CHN2: variants seen among roughly 807,000 people sequenced by gnomAD.
CHN2 encodes the protein beta-chimaerin.
A neutral mutation model predicts 56.3 loss-of-function variants in CHN2; 35 were observed. The observed-to-expected ratio is 0.62, with a 90% confidence interval of 0.47 to 0.82. The LOEUF (loss-of-function observed/expected upper bound fraction) is 0.82. CHN2 is among the 40% of genes least tolerant of loss of function. The probability of loss-of-function intolerance (pLI) is 0.00; values close to 1 mark genes in which losing one functional copy is unlikely to be tolerated. For synonymous variants in CHN2, 210 were observed against 212.8 expected (o/e 0.99, Z 0.12); for missense variants, 491 against 580.5 (o/e 0.85, Z 1.58).
chr7:29,275,046 G>A (rs1002160766), intron 1 of CHN2, among the ~76,000 whole-genome samples: 7 of 152,124 alleles, frequency 4.6e-5, no homozygotes, highest in Admixed American at 2.0e-4. Flanking sequence ...CCACACACTA[G>A]GGAATTAGAA....
chr7:29,485,600 G>T (rs1365494048), intron 7 of CHN2, among the ~76,000 whole-genome samples: 1 of 152,184 alleles, frequency 6.6e-6, no homozygotes, highest in Non-Finnish European at 1.5e-5. Context: ...ATCAAGGATG[G>T]TTATACAGGG....
intron 6 of CHN2, among the ~76,000 whole-genome samples, chr7:29,410,998 T>A (rs77810474): frequency 0.014 from 2,155 of 152,332 alleles, 12 homozygotes; most frequent in Non-Finnish European, 0.023. Context: ...AACAAATTTT[T>A]AAAATCTTGC....
upstream of CHN2, chr7:29,194,268 C>T (rs866883306): frequency 6.6e-6 from 1 of 152,344 alleles, no homozygotes; most frequent in Admixed American, 6.5e-5. Flanking sequence ...GCGCCCGGCC[C>T]CGGCCTCCCC....
At chr7:29,200,165 TAGAC>T (rs1235513392) in intron 1 of CHN2, 2 of 152,206 alleles carry the variant, frequency 1.3e-5, no homozygotes, top group Non-Finnish European at 2.9e-5. Flanking sequence ...AACCTAGTGA[TAGAC>T]AGACATATGA....
chr7:29,486,310 C>T (rs969959455), intron 7 of CHN2, among the ~76,000 whole-genome samples: 13 of 152,208 alleles, frequency 8.5e-5, no homozygotes, highest in African/African-American at 3.1e-4. Flanking sequence ...GGAGCCCTCT[C>T]CTCACTCCCT....
chr7:29,179,969 T>A (rs1411065499), intron 2 of CHN2, among the ~76,000 whole-genome samples: 1 of 152,250 alleles, frequency 6.6e-6, no homozygotes, highest in African/African-American at 2.4e-5. Context: ...TTTTGCTATT[T>A]GTCTTGTATT....
chr7:29,348,487 C>T (rs1202068444), intron 1 of CHN2, among the ~76,000 whole-genome samples: 2 of 151,996 alleles, frequency 1.3e-5, no homozygotes, highest in Non-Finnish European at 2.9e-5. Context: ...CTGTATCTTC[C>T]CCCTCCTTCC....
chr7:29,326,197 C>T (rs1005463253), intron 1 of CHN2, among the ~76,000 whole-genome samples: 27 of 152,076 alleles, frequency 1.8e-4, no homozygotes, highest in Admixed American at 1.2e-3. Flanking sequence ...CTCACTCTGT[C>T]GCCAGGCTGG....
chr7:29,425,738 A>G (rs560281665), intron 6 of CHN2, among the ~76,000 whole-genome samples: 1 of 152,298 alleles, frequency 6.6e-6, no homozygotes, highest in East Asian at 1.9e-4. Context: ...GTATATAAAA[A>G]TAAATTATTA....
chr7:29,413,103 C>T (rs1803402990), intron 6 of CHN2, among the ~76,000 whole-genome samples: 1 of 152,176 alleles, frequency 6.6e-6, no homozygotes, highest in African/African-American at 2.4e-5. Context: ...ATAAATGCCC[C>T]TGTTGGTTTT....
rs534552397 is a variant in CHN2, at chr7:29,228,198, G to A, written c.49+33208G>A. On this transcript the variant is annotated intron_variant, in intron 1 of 12. Coordinates refer to ENST00000222792, the MANE Select transcript of CHN2 (RefSeq NM_004067.4). ...CACACGTGTGTGTGTGTGTTTGTGT[G>A]TTTGTGGAGAGAGAGAGAGACAGAG... Among the ~76,000 whole-genome samples the A allele has an allele frequency of 2.7e-5, 4 of 150,870 alleles. No individual in the cohort carries two copies. In the South Asian group the frequency reaches 8.3e-4, roughly 31 times the overall value.
At chr7:29,463,695 C>T (rs1208767400) in intron 6 of CHN2, among the ~76,000 whole-genome samples, 2 of 152,128 alleles carry the variant, frequency 1.3e-5, no homozygotes, top group South Asian at 2.1e-4. Flanking sequence ...TCTCTGGCAC[C>T]AGGGAGTTAA....
chr7:29,506,543 A>G (rs889526918), intron 10 of CHN2, among the ~76,000 whole-genome samples: 1 of 152,176 alleles, frequency 6.6e-6, no homozygotes, highest in Admixed American at 6.6e-5. Flanking sequence ...AGGCTGAGGC[A>G]CGAGAATTGC....
At chr7:29,173,399 A>G (rs1256167022) in intron 2 of CHN2, among the ~76,000 whole-genome samples, 5 of 152,120 alleles carry the variant, frequency 3.3e-5, no homozygotes, top group African/African-American at 9.7e-5. Context: ...TATTAATAAT[A>G]CATGAGGATT....
intron 6 of CHN2, among the ~76,000 whole-genome samples, chr7:29,426,489 A>G (rs1464414526): frequency 6.6e-6 from 1 of 152,180 alleles, no homozygotes; most frequent in South Asian, 2.1e-4. Flanking sequence ...AAGTAGTGAC[A>G]ACTGCCCCTA....
chr7:29,291,908 C>G (rs1296427841), intron 1 of CHN2, among the ~76,000 whole-genome samples: 1 of 152,038 alleles, frequency 6.6e-6, no homozygotes, highest in African/African-American at 2.4e-5. Flanking sequence ...GCAGGAAGGA[C>G]TTTTGCCCTT....
At chr7:29,157,351 C>T (rs1171533208) in intron 2 of CHN2, among the ~76,000 whole-genome samples, 1 of 152,108 alleles carries the variant, frequency 6.6e-6, no homozygotes, top group Non-Finnish European at 1.5e-5. Context: ...CCAGCCCCTG[C>T]TGGTTTAGGG....
chr7:29,239,419 G>A (rs1787473224), intron 1 of CHN2, among the ~76,000 whole-genome samples: 1 of 152,166 alleles, frequency 6.6e-6, no homozygotes, highest in South Asian at 2.1e-4. Flanking sequence ...AGTTTGATAT[G>A]CCCATTAGAC....
At chr7:29,509,252 C>A in intron 11 of CHN2, 49 bp from the exon 12 acceptor site, 1 of 1,416,688 alleles carries the variant, frequency 7.1e-7, no homozygotes, top group Non-Finnish European at 9.9e-7. Flanking sequence ...TCTCTGAAAA[C>A]TTGAATGCCA....
Sources: gnomAD v4.1 joint callset for allele counts (sites outside exome capture counted in the v4.1 genomes callset) on GRCh38, gnomAD v4.1.1 for gene constraint, MANE v1.5 for transcripts, NCBI Gene and HGNC (gene_info 2026-07-23, HGNC 2026-07-21) for gene names.